Variants in DPP6 observed in about 807,000 individuals in gnomAD.
DPP6 encodes the protein dipeptidyl peptidase like 6.
In DPP6, 69 loss-of-function variants were observed where a neutral mutation model predicts 122.6. The observed-to-expected ratio is 0.56, with a 90% CI of 0.46 to 0.69. DPP6 has a LOEUF of 0.69. Among genes scored for constraint, DPP6 ranks in the 30% least tolerant of loss-of-function variants. DPP6 has a pLI of 0.00. For synonymous variants in DPP6, 418 were observed against 433.1 expected (o/e 0.97, Z 0.43); for missense variants, 928 against 1,116.9 (o/e 0.83, Z 2.41).
chr7:154,045,696 T>C (rs1799986274), intron 1 of DPP6, among the ~76,000 whole-genome samples: 1 of 152,244 alleles, frequency 6.6e-6, no homozygotes, highest in African/African-American at 2.4e-5. Flanking sequence ...AGACTAGCAG[T>C]GCTCCAAATG....
chr7:154,361,307 A>T (rs1811703481), intron 1 of DPP6, among the ~76,000 whole-genome samples: 4 of 152,176 alleles, frequency 2.6e-5, no homozygotes, highest in Admixed American at 2.6e-4. Flanking sequence ...CAAGATACCC[A>T]ATAAAGTGTA....
intron 1 of DPP6, among the ~76,000 whole-genome samples, chr7:154,093,071 C>T (rs1190115760): frequency 1.3e-5 from 2 of 151,664 alleles, no homozygotes; most frequent in Non-Finnish European, 2.9e-5. Context: ...ACCACACACA[C>T]ATATCACATA....
chr7:153,794,622 T>A, the DPP6 span, among the ~76,000 whole-genome samples: 7 of 152,114 alleles, frequency 4.6e-5, no homozygotes. Flanking sequence ...GGGGGACTGT[T>A]GGGAAGGCAT....
intron 1 of DPP6, among the ~76,000 whole-genome samples, chr7:154,402,739 A>G (rs1165999811): frequency 6.6e-6 from 1 of 151,854 alleles, no homozygotes; most frequent in Non-Finnish European, 1.5e-5. Context: ...CCTAAAACTT[A>G]AAGTATAATA....
chr7:154,843,995 G>T (rs1267009906), intron 16 of DPP6, among the ~76,000 whole-genome samples: 2 of 152,154 alleles, frequency 1.3e-5, no homozygotes, highest in Non-Finnish European at 2.9e-5. Context: ...TGCACATGGT[G>T]GCATCTCAAT....
intron 2 of DPP6, among the ~76,000 whole-genome samples, chr7:154,472,500 T>A (rs1454536268): frequency 6.6e-6 from 1 of 152,210 alleles, no homozygotes; most frequent in Non-Finnish European, 1.5e-5. Context: ...TGCTTCCATA[T>A]TAGCAGGACA....
At chr7:154,366,737 TA>T (rs1812224127) in intron 1 of DPP6, among the ~76,000 whole-genome samples, 1 of 152,244 alleles carries the variant, frequency 6.6e-6, no homozygotes, top group Non-Finnish European at 1.5e-5. Flanking sequence ...TAGAACCCAT[TA>T]AAATAGTTAA....
intron 5 of DPP6, among the ~76,000 whole-genome samples, chr7:154,622,215 A>T (rs1834732671): frequency 1.3e-5 from 2 of 152,162 alleles, no homozygotes; most frequent in Non-Finnish European, 2.9e-5. Context: ...TCACTTTGCC[A>T]CTTTGGATGG....
chr7:153,874,990 G>GA, the DPP6 span, among the ~76,000 whole-genome samples: 4 of 152,122 alleles, frequency 2.6e-5, no homozygotes, highest in Admixed American at 2.6e-4. Context: ...AAAAGTAACG[G>GA]AAAAATCCAA....
intron 1 of DPP6, among the ~76,000 whole-genome samples, chr7:154,149,103 G>C (rs1339428797): frequency 2.6e-5 from 4 of 152,166 alleles, no homozygotes; most frequent in Non-Finnish European, 1.5e-5. Context: ...TCCCTCCGAT[G>C]GCCATTCCCC....
Position 153,979,945 on chromosome 7 carries a change from G to A in DPP6, c.51+92211G>A, listed in dbSNP as rs2907045. ...TTTGATCTGCTGCTGTATTCAGTTT[G>A]CCAGTATTTTATTGAGGATTTTTGC... On this transcript the variant is annotated intron_variant, in intron 1 of 25. Coordinates refer to the DPP6 transcript ENST00000404039. Among the ~76,000 whole-genome samples, 215 of 152,204 alleles carry A rather than the reference G, an allele frequency of 1.4e-3. 1 individual carries two copies. Among genetic ancestry groups the A allele is most frequent in the Non-Finnish European group, 2.2e-3 (152 of 67,986 alleles).
chr7:154,748,780 G>T (rs190119765), intron 8 of DPP6, among the ~76,000 whole-genome samples: 1 of 152,120 alleles, frequency 6.6e-6, no homozygotes, highest in African/African-American at 2.4e-5. Flanking sequence ...TGGAACGGAC[G>T]TGCCTATAAC....
At chr7:154,446,084 T>C in intron 1 of DPP6, 130 bp from the exon 2 acceptor site, 1 of 603,250 alleles carries the variant, frequency 1.7e-6, no homozygotes, top group Non-Finnish European at 2.8e-6. Flanking sequence ...AATAGTAGCT[T>C]CAAGAATGGG....
rs563481393 is a variant in DPP6, at chr7:154,859,049, G to T, written c.1714+5222G>T. On this transcript the variant is annotated intron_variant, in intron 17 of 25. Transcript: ENST00000377770. The stretch of plus-strand genomic sequence containing the variant: ...GGGCTGATACCAGATGTCTGACAAG[G>T]GGGGAAAGGCAGCCCCAGACCCCAA... Among the ~76,000 whole-genome samples, 3 of 152,268 alleles carry T rather than the reference G, an allele frequency of 2.0e-5. No individual in the cohort carries two copies. The South Asian group carries it at 6.2e-4, about 32-fold the overall frequency.
At chr7:154,656,671 GC>G (rs1226199670) in intron 6 of DPP6, among the ~76,000 whole-genome samples, 1 of 152,202 alleles carries the variant, frequency 6.6e-6, no homozygotes. Flanking sequence ...AGACCGGTAG[GC>G]GTTGGGCTGA....
intron 1 of DPP6, among the ~76,000 whole-genome samples, chr7:154,257,720 T>TA (rs1802748417): frequency 6.6e-6 from 1 of 151,324 alleles, no homozygotes; most frequent in African/African-American, 2.4e-5. Context: ...AATAAATAAA[T>TA]AATAAACAGA....
chr7:153,952,774 T>C (rs1802281187), intron 1 of DPP6, among the ~76,000 whole-genome samples: 1 of 152,224 alleles, frequency 6.6e-6, no homozygotes, highest in Non-Finnish European at 1.5e-5. Flanking sequence ...TCCTTCACTA[T>C]GAGAACTTGA....
intron 1 of DPP6, among the ~76,000 whole-genome samples, chr7:153,933,161 T>C (rs113099762): frequency 0.038 from 5,829 of 152,310 alleles, 362 homozygotes; most frequent in African/African-American, 0.13. Flanking sequence ...TTCATAGCAG[T>C]ATGAAAATGG....
the DPP6 span, among the ~76,000 whole-genome samples, chr7:153,802,442 TAAG>T: frequency 1.3e-5 from 2 of 152,274 alleles, no homozygotes; most frequent in African/African-American, 2.4e-5. Flanking sequence ...TATTTCCAAA[TAAG>T]AATTCTGTCT....
Sources: gnomAD v4.1 joint callset for allele counts (sites outside exome capture counted in the v4.1 genomes callset) on GRCh38, gnomAD v4.1.1 for gene constraint, MANE v1.5 for transcripts, NCBI Gene and HGNC (gene_info 2026-07-23, HGNC 2026-07-21) for gene names.